TMEM182: variants seen among roughly 807,000 people sequenced by gnomAD.
TMEM182 encodes transmembrane protein 182.
TMEM182 carries 20 observed loss-of-function variants against 26.8 expected under a neutral mutation model. The observed-to-expected ratio is 0.75, with a 90% CI of 0.53 to 1.09. TMEM182 has a LOEUF of 1.09. Ranked by LOEUF, TMEM182 falls within the 50% of genes least tolerant of loss-of-function variation. The pLI is 0.00. For missense variants in TMEM182, 277 were observed against 275.5 expected (o/e 1.01, Z -0.04); for synonymous variants, 109 against 102.2 (o/e 1.07, Z -0.40).
chr2:102,828,173 T>C (rs190838572), intron 3 of TMEM182, among the ~76,000 whole-genome samples: 10 of 152,286 alleles, frequency 6.6e-5, no homozygotes, highest in African/African-American at 2.4e-4. Context: ...GTGGCTTGGT[T>C]TGGGGACATG....
chr2:102,811,685 A>G (rs1442150124), intron 4 of TMEM182, among the ~76,000 whole-genome samples: 1 of 152,180 alleles, frequency 6.6e-6, no homozygotes, highest in Non-Finnish European at 1.5e-5. Flanking sequence ...TATTTTATTC[A>G]ATGGGAAATA....
At chr2:102,784,153 C>A (rs967378457) in intron 3 of TMEM182, among the ~76,000 whole-genome samples, 11 of 152,264 alleles carry the variant, frequency 7.2e-5, no homozygotes, top group African/African-American at 1.9e-4. Flanking sequence ...TTCCTAGAAA[C>A]TTTTTGTACC....
intron 3 of TMEM182, among the ~76,000 whole-genome samples, chr2:102,788,691 TCTC>T (rs1681505908): frequency 6.6e-6 from 1 of 152,054 alleles, no homozygotes; most frequent in African/African-American, 2.4e-5. Flanking sequence ...AACTCATGCT[TCTC>T]CTGCTTCAAG....
intron 3 of TMEM182, among the ~76,000 whole-genome samples, chr2:102,768,822 TTTC>T (rs1376941777): frequency 1.3e-5 from 2 of 152,112 alleles, no homozygotes; most frequent in African/African-American, 4.8e-5. Flanking sequence ...TTTCTGGTCT[TTTC>T]TTCTTTCACC....
intron 4 of TMEM182, among the ~76,000 whole-genome samples, chr2:102,808,973 T>C (rs1682448861): frequency 6.6e-6 from 1 of 152,210 alleles, no homozygotes; most frequent in African/African-American, 2.4e-5. Flanking sequence ...TTTAATTGGT[T>C]GTGGCTACAC....
intron 3 of TMEM182, among the ~76,000 whole-genome samples, chr2:102,794,343 A>T (rs1681777851): frequency 6.6e-6 from 1 of 152,248 alleles, no homozygotes; most frequent in Admixed American, 6.5e-5. Context: ...CATTTAAAGA[A>T]ACTAAGACAA....
At chr2:102,830,881 A>G (rs1474761742) in intron 3 of TMEM182, among the ~76,000 whole-genome samples, 4 of 152,054 alleles carry the variant, frequency 2.6e-5, no homozygotes, top group Non-Finnish European at 5.9e-5. Flanking sequence ...GCCTCTGGTA[A>G]TCATCCTTCT....
chr2:102,787,506 G>A lies in TMEM182; in HGVS notation c.332-10357G>A, dbSNP rs148984159. On this transcript the variant is annotated intron_variant, in intron 3 of 4. Coordinates refer to ENST00000412401, the MANE Select transcript of TMEM182 (RefSeq NM_144632.5). ...AGATTCTCTCACACTTTGGGGGTTA[G>A]GGGTTCAACATATGAATTTGAGTGA... Among the ~76,000 whole-genome samples the A allele has an allele frequency of 1.9e-3, 293 of 152,300 alleles. 3 individuals carry two copies. The highest frequency in any genetic ancestry group is 6.7e-3 in the African/African-American group (280 of 41,552).
At chr2:102,801,196 C>T (rs896059778) in intron 4 of TMEM182, among the ~76,000 whole-genome samples, 1 of 152,076 alleles carries the variant, frequency 6.6e-6, no homozygotes, top group African/African-American at 2.4e-5. Flanking sequence ...TCAGAGGACA[C>T]TTACTTTACA....
At chr2:102,838,538 C>G (rs1470100579) in intron 3 of TMEM182, among the ~76,000 whole-genome samples, 1 of 152,206 alleles carries the variant, frequency 6.6e-6, no homozygotes, top group Non-Finnish European at 1.5e-5. Flanking sequence ...TCTGTCCTCT[C>G]TGCCTCTTGG....
intron 4 of TMEM182, among the ~76,000 whole-genome samples, chr2:102,801,493 A>C (rs899294182): frequency 6.6e-6 from 1 of 152,154 alleles, no homozygotes; most frequent in African/African-American, 2.4e-5. Flanking sequence ...ATTACATATG[A>C]CCATTGCGGT....
At chr2:102,828,132 T>A (rs1435418105) in intron 3 of TMEM182, among the ~76,000 whole-genome samples, 1 of 152,104 alleles carries the variant, frequency 6.6e-6, no homozygotes, top group Non-Finnish European at 1.5e-5. Context: ...CTTGTGGCTT[T>A]AAGTGTAGAC....
rs542565212 is a variant in TMEM182 at position 102,781,483 on chromosome 2, A to G, written c.332-16380A>G. 7.9e-5 allele frequency among the ~76,000 whole-genome samples: 12 copies of G among 152,272 alleles called. No individual in the cohort carries two copies. In the East Asian group the frequency reaches 1.9e-3, roughly 24 times the overall value. ...GAACTGTGCATTTAAGCGTCATGGC[A>G]TGGAGGTTATAAAGCTGTGGGATAA... On this transcript the variant is annotated intron_variant, in intron 3 of 4. Transcript: ENST00000412401.
chr2:102,748,846 A>C (rs1041551162), intron 1 of TMEM182, among the ~76,000 whole-genome samples: 4 of 152,224 alleles, frequency 2.6e-5, no homozygotes, highest in Non-Finnish European at 5.9e-5. Context: ...TTTCATTAAG[A>C]TTGATCTTAA....
At chr2:102,820,092 C>CAG (rs1367401599), downstream of TMEM182, among the ~76,000 whole-genome samples, 1 of 152,148 alleles carries the variant, frequency 6.6e-6, no homozygotes, top group Non-Finnish European at 1.5e-5. Flanking sequence ...TTTATTCTTT[C>CAG]AATCCCCTTG....
At chr2:102,758,426 A>G, upstream of TMEM182, 1 of 716,384 alleles carries the variant, frequency 1.4e-6, no homozygotes, top group East Asian at 2.7e-5. Flanking sequence ...AGTGACAGGC[A>G]AATGTCCAAT....
At chr2:102,800,345 G>A (rs929912180) in intron 4 of TMEM182, among the ~76,000 whole-genome samples, 1 of 152,044 alleles carries the variant, frequency 6.6e-6, no homozygotes, top group African/African-American at 2.4e-5. Flanking sequence ...ATCTGTATGG[G>A]TTTGCCTATT....
chr2:102,839,381 A>G (rs1467981769), intron 3 of TMEM182, among the ~76,000 whole-genome samples: 5 of 150,716 alleles, frequency 3.3e-5, no homozygotes, highest in Non-Finnish European at 5.9e-5. Flanking sequence ...GTGAAGGTCT[A>G]AACCATTTAG....
At chr2:102,760,491 T>C (rs1356705319), upstream of TMEM182, among the ~76,000 whole-genome samples, 1 of 152,214 alleles carries the variant, frequency 6.6e-6, no homozygotes, top group Non-Finnish European at 1.5e-5. Context: ...GTGGGAAGTC[T>C]TATAAAAAAT....
Sources: gnomAD v4.1 joint callset for allele counts (sites outside exome capture counted in the v4.1 genomes callset) on GRCh38, gnomAD v4.1.1 for gene constraint, MANE v1.5 for transcripts, NCBI Gene and HGNC (gene_info 2026-07-23, HGNC 2026-07-21) for gene names.